Variants in CACNA1I observed in about 807,000 individuals in gnomAD.
CACNA1I encodes voltage-dependent T-type calcium channel subunit alpha-1I.
In CACNA1I, 74 loss-of-function variants were observed where a neutral mutation model predicts 201.6. That is an observed-to-expected ratio of 0.37 (90% CI 0.30 to 0.45). The LOEUF (loss-of-function observed/expected upper bound fraction) is 0.45, where lower values mean the gene tolerates loss of function less well. Ranked by LOEUF, CACNA1I falls within the 20% of genes least tolerant of loss-of-function variation. CACNA1I has a pLI of 1.00. For missense variants in CACNA1I, 2,346 were observed against 3,138.1 expected (o/e 0.75, Z 6.03); for synonymous variants, 1,431 against 1,345.2 (o/e 1.06, Z -1.40).
chr22:39,661,017 C>T (rs979926557), intron 15 of CACNA1I, 91 bp from the exon 16 acceptor site: 2 of 1,062,458 alleles, frequency 1.9e-6, no homozygotes, highest in African/African-American at 1.6e-5. Context: ...ATTTCTGCTC[C>T]TTCCTTGTTT....
At position 39,687,276 on chromosome 22, in the gene CACNA1I, G is replaced by A. The variant is rs1179988531; in HGVS notation, c.*871G>A. 6.6e-6 allele frequency: 1 copy of A among 152,420 alleles called. No homozygotes were observed. Among genetic ancestry groups the A allele is most frequent in the Non-Finnish European group, 1.5e-5 (1 of 68,316 alleles). The allele number at this position is 152,420 out of a possible 1,614,324, so 9.4% of individuals were successfully genotyped here. A position where few individuals can be genotyped will look rare whatever the true frequency, so the allele number is the denominator to read the frequency against. Reference sequence around the variant, plus strand: ...GGGCGGGGGTGGGTGGAGCAGGAGTGGAGGCAGCCTGCAGAGGAAGGGTGC... The same window carrying A: ...GGGCGGGGGTGGGTGGAGCAGGAGTAGAGGCAGCCTGCAGAGGAAGGGTGC... On this transcript the variant is annotated 3_prime_UTR_variant, in exon 37 of 37. Coordinates refer to ENST00000402142, the MANE Select transcript of CACNA1I (RefSeq NM_021096.4).
intron 3 of CACNA1I, among the ~76,000 whole-genome samples, chr22:39,607,609 T>C (rs984168541): frequency 6.6e-6 from 1 of 152,228 alleles, no homozygotes; most frequent in Non-Finnish European, 1.5e-5. Context: ...GAGGGCTCCA[T>C]CTCTGCATCT....
At chr22:39,571,371 G>T (rs755690162) in intron 1 of CACNA1I, among the ~76,000 whole-genome samples, 15 of 151,864 alleles carry the variant, frequency 9.9e-5, no homozygotes, top group Non-Finnish European at 2.1e-4. Flanking sequence ...GGAACTGTGG[G>T]CGTGGGCAGC....
rs1372681093 is a variant in CACNA1I at position 39,689,095 on chromosome 22, G to C, written c.*2690G>C. 2 of 152,760 alleles carry C rather than the reference G, an allele frequency of 1.3e-5. No individual in the cohort carries two copies. Among genetic ancestry groups the C allele is most frequent in the Non-Finnish European group, 2.9e-5 (2 of 68,108 alleles). 9.5% of individuals were successfully genotyped at this position (152,760 alleles called of 1,614,324 possible). ...GGTCTGGGGCCATGGCCTCAGGCTT[G>C]TGTCTATCACAAAAGCACAAACTTG... is the stretch of plus-strand genomic sequence containing the variant. On this transcript the variant is annotated 3_prime_UTR_variant, in exon 37 of 37. Coordinates refer to ENST00000402142, the MANE Select transcript of CACNA1I (RefSeq NM_021096.4).
intron 31 of CACNA1I, among the ~76,000 whole-genome samples, chr22:39,678,358 C>T (rs2146475834): frequency 6.6e-6 from 1 of 152,364 alleles, no homozygotes; most frequent in East Asian, 1.9e-4. Flanking sequence ...CTAGGGTAGA[C>T]AACTCCACCC....
Position 39,677,447 on chromosome 22 carries a change from G to T in CACNA1I, c.4933+28G>T. 1 of 1,484,714 alleles carries T rather than the reference G, an allele frequency of 6.7e-7. No individual in the cohort carries two copies. The highest frequency in any genetic ancestry group is 9.1e-7 in the Non-Finnish European group (1 of 1,104,344). 92.0% of individuals were successfully genotyped at this position (1,484,714 alleles called of 1,614,324 possible). A position where few individuals can be genotyped will look rare whatever the true frequency, so the allele number is the denominator to read the frequency against. On this transcript the variant is annotated intron_variant, in intron 30 of 36. Coordinates refer to ENST00000402142, the MANE Select transcript of CACNA1I (RefSeq NM_021096.4). This position sits in a 1 kb window ranked among gnomAD's most constrained non-coding sequence, Gnocchi z 4.8. ...GAGTGACTCCCAGAGCAGGCCCGTG[G>T]TGGGGGTGCAGCAGGGCTGCAGGAG...
intron 5 of CACNA1I, among the ~76,000 whole-genome samples, 195 bp from the exon 6 acceptor site, chr22:39,640,672 C>T (rs1052566301): frequency 2.6e-5 from 4 of 152,246 alleles, no homozygotes; most frequent in Admixed American, 1.3e-4. Flanking sequence ...AGAAGGGGAC[C>T]ACAGTGGGCC....
intron 7 of CACNA1I, 40 bp downstream of exon 7, chr22:39,642,929 A>G (rs766578987): frequency 7.2e-7 from 1 of 1,391,468 alleles, no homozygotes; most frequent in South Asian, 1.2e-5. Flanking sequence ...TGTGCTCAGA[A>G]CCCATGGACC....
rs969599075 is a variant in CACNA1I, at chr22:39,666,669, C to G, written c.4104+663C>G. Among the ~76,000 whole-genome samples, 1 of 152,228 alleles carries G rather than the reference C, an allele frequency of 6.6e-6. No individual in the cohort carries two copies. The highest frequency in any genetic ancestry group is 2.4e-5 in the African/African-American group (1 of 41,460). ...GCCCAGGAGGCCAGGTATGTCCAGA[C>G]GTAGGCGTGCCTTGCCCCAGGGCAC... On this transcript the variant is annotated intron_variant, in intron 23 of 36. Coordinates refer to ENST00000402142, the MANE Select transcript of CACNA1I (RefSeq NM_021096.4). The surrounding 1 kb of genome is among the most constrained non-coding windows in gnomAD (Gnocchi z 4.1).
intron 10 of CACNA1I, among the ~76,000 whole-genome samples, chr22:39,650,233 C>T (rs1227391893): frequency 2.0e-5 from 3 of 151,896 alleles, no homozygotes; most frequent in Admixed American, 6.5e-5. Flanking sequence ...GCAACCACAG[C>T]GCATCCCCTG....
At chr22:39,598,348 A>G (rs1227396538) in intron 2 of CACNA1I, 86 bp downstream of exon 2, 1 of 426,752 alleles carries the variant, frequency 2.3e-6, no homozygotes, top group African/African-American at 5.1e-5. Context: ...CCCCCGCCCC[A>G]TGTCCTGGCC....
In CACNA1I at chr22:39,660,059, C is replaced by G. The variant is rs9623039; in HGVS notation, c.2604+207C>G. Among the ~76,000 whole-genome samples the G allele has an allele frequency of 5.8e-3, 876 of 152,236 alleles. 10 individuals carry two copies. Among genetic ancestry groups the G allele is most frequent in the African/African-American group, 0.019 (808 of 41,538 alleles). ...TGCGTCTGCCATCCCTGCTCCCCCC[C>G]AGGGATGTAGGACTAGGCTTCTCCA... On this transcript the variant is annotated intron_variant, in intron 14 of 36. Transcript: ENST00000402142.
intron 15 of CACNA1I, among the ~76,000 whole-genome samples, chr22:39,660,658 C>T (rs1257842212): frequency 2.6e-5 from 4 of 152,202 alleles, no homozygotes; most frequent in Non-Finnish European, 4.4e-5. Flanking sequence ...GGGGTAGCCG[C>T]AGCCCACCAC....
rs186796996 is a variant in CACNA1I, at chr22:39,686,301, G to A, written c.6568G>A (p.Gly2190Ser). The A allele has an allele frequency of 9.8e-3, 13,045 of 1,324,688 alleles. 226 individuals carry two copies. The highest frequency in any genetic ancestry group is 0.091 in the Admixed American group (2,854 of 31,478). 82.1% of individuals were successfully genotyped at this position (1,324,688 alleles called of 1,614,324 possible). A position where few individuals can be genotyped will look rare whatever the true frequency, so the allele number is the denominator to read the frequency against. The part of the protein sequence containing the change: ...WAADRSKDPP[G>S]RAPLPMGLGP... ...CGCGGACCGCAGCAAGGACCCCCCC[G>A]GCCGGGCACCGCTGCCCATGGGCCT... The change falls in exon 37 of 37, where the codon GGC becomes AGC. Residue 2190 changes from glycine to serine, a missense_variant. This residue lies in a region of CACNA1I where 187 missense variants were observed against 151.0 expected (regional missense o/e 1.24). Transcript: ENST00000402142.
At position 39,649,493 on chromosome 22, in the gene CACNA1I, C is replaced by G. The variant is rs1174782142; in HGVS notation, c.1568-8C>G. The G allele has an allele frequency of 3.2e-6, 5 of 1,558,278 alleles. No homozygotes were observed. Among genetic ancestry groups the G allele is most frequent in the Non-Finnish European group, 3.5e-6 (4 of 1,152,212 alleles). The stretch of plus-strand genomic sequence containing the variant: ...AACGACTCTATGCCCCTCTCATTTG[C>G]TTTTCAGAGCTGTGCCCGCAACATA... On this transcript the variant is annotated splice_polypyrimidine_tract_variant and splice_region_variant and intron_variant, in intron 9 of 36. Coordinates refer to ENST00000402142, the MANE Select transcript of CACNA1I (RefSeq NM_021096.4). The surrounding 1 kb of genome is among the most constrained non-coding windows in gnomAD (Gnocchi z 7.3).
chr22:39,661,345 C>T, intron 16 of CACNA1I, 35 bp downstream of exon 16: 2 of 1,475,130 alleles, frequency 1.4e-6, no homozygotes, highest in South Asian at 2.7e-5. Context: ...ACGGGCGCTT[C>T]CTGCTGGGGT....
chr22:39,675,884 G>A (rs970088805), intron 29 of CACNA1I, among the ~76,000 whole-genome samples: 4 of 152,236 alleles, frequency 2.6e-5, no homozygotes, highest in Non-Finnish European at 5.9e-5. Flanking sequence ...AGATCAGGCT[G>A]GGAGGGGGGT....
chr22:39,618,761 G>A (rs990072745), intron 3 of CACNA1I, among the ~76,000 whole-genome samples: 21 of 152,000 alleles, frequency 1.4e-4, no homozygotes, highest in African/African-American at 2.4e-4. Context: ...AATGCAGGCC[G>A]GGCCCATCTC....
intron 4 of CACNA1I, among the ~76,000 whole-genome samples, chr22:39,627,781 C>T (rs80261381): frequency 6.6e-6 from 1 of 152,292 alleles, no homozygotes; most frequent in African/African-American, 2.4e-5. Flanking sequence ...GACTTCAGGG[C>T]TGTCTGTTTT....
Sources: allele counts gnomAD v4.1 joint callset (sites outside exome capture counted in the v4.1 genomes callset), GRCh38; gene constraint gnomAD v4.1.1; regional missense constraint gnomAD v4.1.1; non-coding constraint Gnocchi (gnomAD v3.1); transcripts MANE v1.5; gene names NCBI Gene and HGNC (gene_info 2026-07-23, HGNC 2026-07-21).